The following THADA variants were observed in gnomAD, a reference collection of about 807,000 sequenced individuals.
THADA encodes the protein tRNA (32-2'-O)-methyltransferase regulator THADA.
A neutral mutation model predicts 219.8 loss-of-function variants in THADA; 213 were observed. The ratio of observed to expected loss-of-function variants is 0.97; its 90% confidence interval spans 0.87 to 1.09. The LOEUF is 1.09. THADA is among the 50% of genes least tolerant of loss of function. The pLI is 0.00. For missense variants in THADA, 2,956 were observed against 2,311.3 expected (o/e 1.28, Z -5.72); for synonymous variants, 1,018 against 828.9 (o/e 1.23, Z -3.92).
intron 31 of THADA, among the ~76,000 whole-genome samples, chr2:43,301,826 G>C (rs1009437883): frequency 3.9e-5 from 6 of 152,162 alleles, no homozygotes; most frequent in Non-Finnish European, 8.8e-5. Flanking sequence ...TCCCACTGCA[G>C]GTAGAGTTCG....
chr2:43,560,226 C>T lies in THADA; in HGVS notation c.2463+8G>A. 6.2e-7 allele frequency: 1 copy of T among 1,608,334 alleles called. No individual in the cohort carries two copies. The highest frequency in any genetic ancestry group is 8.5e-7 in the Non-Finnish European group (1 of 1,177,748). ...TATACCACATTTATACTAGAAAAGT[C>T]CTGATACCTGAAAATGTACAGCTGT... On this transcript the variant is annotated splice_region_variant and intron_variant, in intron 16 of 37. Coordinates refer to ENST00000405975, the MANE Select transcript of THADA (RefSeq NM_022065.5).
intron 20 of THADA, among the ~76,000 whole-genome samples, chr2:43,542,563 G>C (rs1222670280): frequency 6.6e-6 from 1 of 152,138 alleles, no homozygotes; most frequent in African/African-American, 2.4e-5. Flanking sequence ...AACAACTAAT[G>C]ATCAAACAAG....
At chr2:43,430,391 C>T (rs576209612) in intron 26 of THADA, 89 bp from the exon 27 acceptor site, 133 of 670,748 alleles carry the variant, frequency 2.0e-4, no homozygotes, top group Non-Finnish European at 2.8e-4. Context: ...AAGATAAGTA[C>T]GGTTGTTTGG....
At chr2:43,255,743 G>A (rs1400099837) in intron 36 of THADA, among the ~76,000 whole-genome samples, 4 of 152,164 alleles carry the variant, frequency 2.6e-5, no homozygotes, top group African/African-American at 4.8e-5. Context: ...ACTCATTATC[G>A]GGTTTCCAGC....
At chr2:43,485,471 T>TAA in intron 25 of THADA, 146 bp from the exon 26 acceptor site, 19 of 555,594 alleles carry the variant, frequency 3.4e-5, no homozygotes, top group East Asian at 6.3e-5. Context: ...TAAAATAATT[T>TAA]AAAAAAAAAA....
At chr2:43,335,042 A>T (rs1558598325) in intron 30 of THADA, among the ~76,000 whole-genome samples, 1 of 152,176 alleles carries the variant, frequency 6.6e-6, no homozygotes, top group Non-Finnish European at 1.5e-5. Context: ...GGGGAGTTGG[A>T]AGATCACAGA....
At chr2:43,585,509 C>A (rs1200939385) in intron 7 of THADA, among the ~76,000 whole-genome samples, 2 of 144,970 alleles carry the variant, frequency 1.4e-5, no homozygotes, top group Non-Finnish European at 3.0e-5. Flanking sequence ...CAGAATGAGA[C>A]CCTGTCACAA....
chr2:43,502,524 G>T (rs1296311048), intron 24 of THADA, among the ~76,000 whole-genome samples: 1 of 149,532 alleles, frequency 6.7e-6, no homozygotes, highest in Non-Finnish European at 1.5e-5. Flanking sequence ...GGCAGAGGTT[G>T]CAGTGAGCTG....
At chr2:43,475,022 G>C (rs1263353038) in intron 26 of THADA, among the ~76,000 whole-genome samples, 1 of 152,178 alleles carries the variant, frequency 6.6e-6, no homozygotes, top group East Asian at 1.9e-4. Context: ...AACAGAGAAA[G>C]AGAGATTGTT....
chr2:43,372,605 C>T (rs868548342), intron 29 of THADA, among the ~76,000 whole-genome samples: 1 of 152,116 alleles, frequency 6.6e-6, no homozygotes, highest in South Asian at 2.1e-4. Flanking sequence ...ACACAGCCAA[C>T]AGAGGGGGTT....
intron 21 of THADA, among the ~76,000 whole-genome samples, chr2:43,536,796 A>G (rs1694669650): frequency 6.6e-6 from 1 of 152,196 alleles, no homozygotes; most frequent in African/African-American, 2.4e-5. Flanking sequence ...CAAAGTAATT[A>G]AACACAGTTC....
intron 22 of THADA, among the ~76,000 whole-genome samples, chr2:43,513,704 A>G (rs1384903290): frequency 1.3e-5 from 2 of 152,198 alleles, no homozygotes; most frequent in African/African-American, 4.8e-5. Flanking sequence ...ATCAGTAAAC[A>G]AAAGGCTCCC....
At chr2:43,244,264 T>C (rs1459534975) in intron 36 of THADA, among the ~76,000 whole-genome samples, 1 of 152,176 alleles carries the variant, frequency 6.6e-6, no homozygotes, top group Non-Finnish European at 1.5e-5. Context: ...TTATAGCCAG[T>C]TAACAGTACA....
chr2:43,297,551 G>A (rs1208475061), intron 31 of THADA, among the ~76,000 whole-genome samples: 1 of 115,632 alleles, frequency 8.6e-6, no homozygotes, highest in African/African-American at 4.3e-5. Flanking sequence ...GGGAGGTGGG[G>A]GGGTCAGCCC....
chr2:43,368,725 T>TG (rs1397277675), intron 29 of THADA, among the ~76,000 whole-genome samples: 1 of 152,114 alleles, frequency 6.6e-6, no homozygotes, highest in Non-Finnish European at 1.5e-5. Flanking sequence ...AATCTGTTGA[T>TG]AACTTCCTTT....
At chr2:43,325,098 T>C (rs1679165284) in intron 30 of THADA, among the ~76,000 whole-genome samples, 1 of 152,232 alleles carries the variant, frequency 6.6e-6, no homozygotes, top group South Asian at 2.1e-4. Flanking sequence ...AATATGTTTT[T>C]GCCTTGGGAA....
intron 36 of THADA, among the ~76,000 whole-genome samples, chr2:43,255,570 G>A (rs149024677): frequency 5.3e-5 from 8 of 152,216 alleles, no homozygotes; most frequent in African/African-American, 1.9e-4. Context: ...CCCCAGAACT[G>A]CTGAGAGGAG....
At chr2:43,535,972 T>G (rs1694547027) in intron 21 of THADA, among the ~76,000 whole-genome samples, 1 of 151,912 alleles carries the variant, frequency 6.6e-6, no homozygotes, top group Non-Finnish European at 1.5e-5. Flanking sequence ...CCCAGCTAAT[T>G]TTTGTATTTT....
chr2:43,257,411 G>C (rs1670449937), intron 36 of THADA, among the ~76,000 whole-genome samples: 1 of 152,238 alleles, frequency 6.6e-6, no homozygotes, highest in Non-Finnish European at 1.5e-5. Flanking sequence ...ATAAAGAGGA[G>C]AGAGGAGGCT....
Sources: allele counts gnomAD v4.1 joint callset (sites outside exome capture counted in the v4.1 genomes callset), GRCh38; gene constraint gnomAD v4.1.1; transcripts MANE v1.5; gene names NCBI Gene and HGNC (gene_info 2026-07-23, HGNC 2026-07-21).